The following PXDN variants were observed in gnomAD, a reference collection of about 807,000 sequenced individuals.
PXDN encodes the protein peroxidasin.
Under a neutral mutation model 140.3 loss-of-function variants are expected in PXDN, and 77 were observed. The ratio of observed to expected loss-of-function variants is 0.55; its 90% CI spans 0.46 to 0.66. The LOEUF is 0.66. PXDN is among the 30% of genes least tolerant of loss of function. The pLI is 0.00. For missense variants in PXDN, 1,838 were observed against 2,039.5 expected (o/e 0.90, Z 1.90); for synonymous variants, 911 against 857.4 (o/e 1.06, Z -1.09).
chr2:1,693,085 G>A lies in PXDN; in HGVS notation c.250C>T (p.Arg84Trp), dbSNP rs760353438. 5.8e-6 allele frequency: 9 copies of A among 1,557,466 alleles called. No individual in the cohort carries two copies. The highest frequency in any genetic ancestry group is 2.4e-5 in the South Asian group (2 of 84,522). ...IREIQPGAFRRLRNLNTLLLN... is the reference protein window; with the variant it reads ...IREIQPGAFRWLRNLNTLLLN... Reference sequence around the variant, plus strand: ...CACAATGTGTTCAAGTTCCTCAGCCGCCTGAATGCCCCAGGTTGGATCTCT... The same window carrying A: ...CACAATGTGTTCAAGTTCCTCAGCCACCTGAATGCCCCAGGTTGGATCTCT... The change falls in exon 2 of 23, where the codon CGG becomes TGG. Residue 84 changes from arginine to tryptophan, a missense_variant. Physicochemically the swap from Arg to Trp is moderately radical, Grantham distance 101. Around this residue, in one of 5 missense-constraint regions of PXDN, gnomAD observed 231 missense variants for 201.5 expected, o/e 1.15. Coordinates refer to ENST00000252804, the MANE Select transcript of PXDN (RefSeq NM_012293.3).
intron 19 of PXDN, among the ~76,000 whole-genome samples, chr2:1,640,744 G>T (rs972078714): frequency 6.6e-6 from 1 of 152,186 alleles, no homozygotes; most frequent in Non-Finnish European, 1.5e-5. Context: ...GCAACACCTG[G>T]GGTCAAGAAT....
chr2:1,688,282 C>G (rs1372684016), intron 3 of PXDN, among the ~76,000 whole-genome samples: 2 of 152,216 alleles, frequency 1.3e-5, no homozygotes, highest in African/African-American at 4.8e-5. Flanking sequence ...TATTTCCTAA[C>G]ATGTGAACTT....
Position 1,635,525 on chromosome 2 carries a change from C to T in PXDN, c.4207-4G>A. The T allele has an allele frequency of 6.4e-7, 1 of 1,572,316 alleles. No homozygotes were observed. Among genetic ancestry groups the T allele is most frequent in the Non-Finnish European group, 8.7e-7 (1 of 1,155,920 alleles). On this transcript the variant is annotated splice_polypyrimidine_tract_variant and splice_region_variant and intron_variant, in intron 21 of 22. Transcript: ENST00000252804. ...GCCGTGATTCAAGTTTCTTTATCTGCAGCAATGCAAAGAACATTCATTCAT... is the reference window on the plus strand; with the variant it reads ...GCCGTGATTCAAGTTTCTTTATCTGTAGCAATGCAAAGAACATTCATTCAT...
At chr2:1,730,207 CAT>C (rs530551199) in intron 1 of PXDN, among the ~76,000 whole-genome samples, 57 of 152,280 alleles carry the variant, frequency 3.7e-4, no homozygotes, top group Middle Eastern at 6.8e-3. Context: ...CTAACATGAA[CAT>C]GTGTAACTTG....
At chr2:1,719,884 G>C (rs1216502070) in intron 1 of PXDN, among the ~76,000 whole-genome samples, 1 of 144,600 alleles carries the variant, frequency 6.9e-6, no homozygotes, top group Non-Finnish European at 1.5e-5. Context: ...GAAAGAGAGA[G>C]AGGGAGGGAG....
intron 16 of PXDN, chr2:1,653,168 C>T: frequency 3.8e-6 from 1 of 260,796 alleles, no homozygotes; most frequent in Non-Finnish European, 7.6e-6. Context: ...ATCTCCACAC[C>T]AGCCCGAGGT....
chr2:1,678,105 T>C (rs1683771832), intron 7 of PXDN, among the ~76,000 whole-genome samples: 1 of 152,110 alleles, frequency 6.6e-6, no homozygotes, highest in Admixed American at 6.6e-5. Flanking sequence ...TGCCCAGCCC[T>C]CCCTGTGCTC....
rs745833365 is a variant in PXDN at position 1,649,671 on chromosome 2, G to T, written c.2109C>A (p.Tyr703Ter). ...GTGGAGACACCAGGTCGTTGTAGTG[G>T]TAACCTGGGACGTGGAGAAAAGCAA... ...GLMVDLNGTS[Y>*]HYNDLVSPQY... Residue 703 changes from tyrosine to a stop codon, truncating the protein, a stop_gained, in exon 17 of 23, where the codon TAC becomes TAA. Coordinates refer to ENST00000252804, the MANE Select transcript of PXDN (RefSeq NM_012293.3). LOFTEE classifies it high-confidence loss of function. This position sits in a 1 kb window ranked among gnomAD's most constrained non-coding sequence, Gnocchi z 7.1. The T allele has an allele frequency of 6.2e-7, 1 of 1,613,864 alleles. No homozygotes were observed. Among genetic ancestry groups the T allele is most frequent in the Non-Finnish European group, 8.5e-7 (1 of 1,179,860 alleles).
chr2:1,729,564 T>TGGG (rs987021871), intron 1 of PXDN, among the ~76,000 whole-genome samples: 4 of 131,418 alleles, frequency 3.0e-5, no homozygotes, highest in Non-Finnish European at 4.6e-5. Flanking sequence ...TACAGCAGGG[T>TGGG]GGGGGAGGGG....
chr2:1,718,401 C>T (rs993619258), intron 1 of PXDN, among the ~76,000 whole-genome samples: 1 of 152,116 alleles, frequency 6.6e-6, no homozygotes, highest in Non-Finnish European at 1.5e-5. Flanking sequence ...ACTCTATTAA[C>T]GTATGTCACT....
At chr2:1,650,610 T>C (rs1331376588) in intron 16 of PXDN, among the ~76,000 whole-genome samples, 2 of 152,142 alleles carry the variant, frequency 1.3e-5, no homozygotes, top group African/African-American at 4.8e-5. Flanking sequence ...TTCCTCCACA[T>C]ATTCATACAT....
chr2:1,730,484 CA>C (rs911035453), intron 1 of PXDN, among the ~76,000 whole-genome samples: 3 of 152,168 alleles, frequency 2.0e-5, no homozygotes, highest in African/African-American at 4.8e-5. Context: ...AATTCATACA[CA>C]ACTTTAGAAT....
In PXDN at chr2:1,710,151, G is replaced by A. The variant is rs530487171; in HGVS notation, c.201-17017C>T. 5.3e-5 allele frequency among the ~76,000 whole-genome samples: 8 copies of A among 152,272 alleles called. No homozygotes were observed. In the East Asian group the frequency reaches 1.4e-3, roughly 26 times the overall value. ...TTTCGGTACATCCCATCTGTGATGCGTGTTAATATACTTATGAAACAGGTT... is the reference window on the plus strand; with the variant it reads ...TTTCGGTACATCCCATCTGTGATGCATGTTAATATACTTATGAAACAGGTT... On this transcript the variant is annotated intron_variant, in intron 1 of 22. Coordinates refer to ENST00000252804, the MANE Select transcript of PXDN (RefSeq NM_012293.3).
intron 1 of PXDN, among the ~76,000 whole-genome samples, chr2:1,710,570 C>A (rs1684730573): frequency 6.7e-6 from 1 of 149,068 alleles, no homozygotes; most frequent in Non-Finnish European, 1.5e-5. Flanking sequence ...TCCACCAGCA[C>A]CCTCTCCACT....
rs1055361539 is a variant in PXDN at position 1,678,846 on chromosome 2, G to A, written c.730+1347C>T. 5.3e-5 allele frequency among the ~76,000 whole-genome samples: 8 copies of A among 152,286 alleles called. No homozygotes were observed. The South Asian group carries it at 6.2e-4, about 12-fold the overall frequency. Reference sequence around the variant, plus strand: ...TCTGGGTCCGGGGTGGGGAAGCAGCGCAGGCAGGCGGCTGCACAGGGGTCT... The same window carrying A: ...TCTGGGTCCGGGGTGGGGAAGCAGCACAGGCAGGCGGCTGCACAGGGGTCT... On this transcript the variant is annotated intron_variant, in intron 7 of 22. Coordinates refer to ENST00000252804, the MANE Select transcript of PXDN (RefSeq NM_012293.3).
At chr2:1,718,368 C>T (rs114246599) in intron 1 of PXDN, among the ~76,000 whole-genome samples, 6,533 of 152,270 alleles carry the variant, frequency 0.043, 188 homozygotes, top group Non-Finnish European at 0.061. Context: ...TTAACCTACT[C>T]TACTAACTTA....
Position 1,660,508 on chromosome 2 carries a change from T to G in PXDN, c.1837+373A>C, listed in dbSNP as rs939425120. Among the ~76,000 whole-genome samples, 1 of 152,210 alleles carries G rather than the reference T, an allele frequency of 6.6e-6. No homozygotes were observed. Among genetic ancestry groups the G allele is most frequent in the African/African-American group, 2.4e-5 (1 of 41,450 alleles). ...CCGCAGCTAAGGAATCAGAATCTCT[T>G]CAAGCAACCATATTTGCCAAATTGT... On this transcript the variant is annotated intron_variant, in intron 14 of 22. Coordinates refer to ENST00000252804, the MANE Select transcript of PXDN (RefSeq NM_012293.3). This position sits in a 1 kb window ranked among gnomAD's most constrained non-coding sequence, Gnocchi z 4.6.
intron 1 of PXDN, among the ~76,000 whole-genome samples, chr2:1,729,509 CCAACCACCA>C (rs1685264194): frequency 6.6e-6 from 1 of 151,880 alleles, no homozygotes; most frequent in Non-Finnish European, 1.5e-5. Flanking sequence ...CCACCGTAGG[CCAACCACCA>C]TCCCTGGTGC....
chr2:1,738,531 T>C (rs1017801874), intron 1 of PXDN, among the ~76,000 whole-genome samples: 1 of 149,832 alleles, frequency 6.7e-6, no homozygotes, highest in Non-Finnish European at 1.5e-5. Flanking sequence ...GGAATCAGCA[T>C]AATGCAAGTT....
Sources: gnomAD v4.1 joint callset for allele counts (sites outside exome capture counted in the v4.1 genomes callset) on GRCh38, gnomAD v4.1.1 for gene constraint, gnomAD v4.1.1 regional missense constraint, Gnocchi (gnomAD v3.1) non-coding constraint, MANE v1.5 for transcripts, NCBI Gene and HGNC (gene_info 2026-07-23, HGNC 2026-07-21) for gene names.